Variants in AGO3 observed in about 807,000 individuals in gnomAD.
AGO3 encodes argonaute RISC catalytic component 3, also known as protein argonaute-3.
In AGO3, 16 loss-of-function variants were observed where a neutral mutation model predicts 105.5. The ratio of observed to expected loss-of-function variants is 0.15; its 90% CI spans 0.10 to 0.23. AGO3 has a LOEUF of 0.23. Ranked by LOEUF, AGO3 falls within the 10% of genes least tolerant of loss-of-function variation. The probability of loss-of-function intolerance (pLI) is 1.00; values close to 1 mark genes in which losing one functional copy is unlikely to be tolerated. For missense variants in AGO3, 534 were observed against 1,088.0 expected, an observed-to-expected ratio of 0.49 and a Z score of 7.16; for synonymous variants, 340 against 367.3, an observed-to-expected ratio of 0.93 and a Z score of 0.85.
At chr1:35,954,041 A>G (rs1417748062) in intron 2 of AGO3, among the ~76,000 whole-genome samples, 1 of 152,188 alleles carries the variant, frequency 6.6e-6, no homozygotes, top group African/African-American at 2.4e-5. Context: ...TGTCATATCT[A>G]TAGAAGGGTT....
intron 2 of AGO3, among the ~76,000 whole-genome samples, chr1:35,951,117 G>A (rs1646463183): frequency 6.6e-6 from 1 of 152,004 alleles, no homozygotes; most frequent in African/African-American, 2.4e-5. Flanking sequence ...TGCCCAGCTA[G>A]CGTTTGTATT....
At chr1:35,975,346 T>C (rs1000334083) in intron 5 of AGO3, among the ~76,000 whole-genome samples, 1 of 152,228 alleles carries the variant, frequency 6.6e-6, no homozygotes, top group South Asian at 2.1e-4. Context: ...TTCACAAATA[T>C]AAGGGCCACT....
intron 11 of AGO3, 126 bp from the exon 12 acceptor site, chr1:36,026,988 C>A: frequency 9.4e-7 from 1 of 1,062,128 alleles, no homozygotes; most frequent in Non-Finnish European, 1.4e-6. Flanking sequence ...AGTCTGGTGA[C>A]CTCTCATATA....
At chr1:36,005,678 C>T (rs770553178) in intron 6 of AGO3, 147 of 972,804 alleles carry the variant, frequency 1.5e-4, no homozygotes, top group Non-Finnish European at 1.8e-4. Flanking sequence ...CATTATTTTG[C>T]GGTAACTATG....
intron 2 of AGO3, among the ~76,000 whole-genome samples, chr1:35,962,542 C>CAAA (rs1004307116): frequency 1.1e-5 from 1 of 92,022 alleles, no homozygotes; most frequent in Non-Finnish European, 2.3e-5. Context: ...GACTCCCTCT[C>CAAA]AAAAAAAAAA....
At chr1:35,987,657 G>A (rs1647249795) in intron 5 of AGO3, among the ~76,000 whole-genome samples, 1 of 151,916 alleles carries the variant, frequency 6.6e-6, no homozygotes, top group Admixed American at 6.6e-5. Context: ...GGAATAAGGT[G>A]CCTGGGTTGG....
intron 3 of AGO3, 74 bp from the exon 4 acceptor site, chr1:35,971,943 AGATATTT>A: frequency 7.6e-7 from 1 of 1,315,126 alleles, no homozygotes; most frequent in Non-Finnish European, 1.1e-6. Flanking sequence ...GTTTTCTCTT[AGATATTT>A]TTATAAGTTA....
At position 36,040,453 on chromosome 1, in the gene AGO3, TC is replaced by T. The variant is rs1222091468; in HGVS notation, c.2172+13del. 1 of 1,613,770 alleles carries T rather than the reference TC, an allele frequency of 6.2e-7. No individual in the cohort carries two copies. The highest frequency in any genetic ancestry group is 8.5e-7 in the Non-Finnish European group (1 of 1,179,892). On this transcript the variant is annotated intron_variant, in intron 16 of 18. Transcript: ENST00000373191. The stretch of plus-strand genomic sequence containing the variant: ...ATAGGACAGAAAGGGTAATCTCACC[TC>T]TGTTGTAATACTGTTATAAACCAAG...
At chr1:35,932,158 C>T (rs186784378) in intron 1 of AGO3, among the ~76,000 whole-genome samples, 15 of 152,108 alleles carry the variant, frequency 9.9e-5, no homozygotes, top group Non-Finnish European at 1.5e-5. Context: ...AGCAGTTTTG[C>T]AGTCTTAAGA....
At chr1:35,967,597 A>T (rs568375151) in intron 3 of AGO3, among the ~76,000 whole-genome samples, 4 of 151,878 alleles carry the variant, frequency 2.6e-5, no homozygotes, top group Non-Finnish European at 5.9e-5. Context: ...TTGTGTTTGT[A>T]GTAGAGATGG....
At chr1:36,016,052 G>A (rs1330198835) in intron 11 of AGO3, among the ~76,000 whole-genome samples, 1 of 152,198 alleles carries the variant, frequency 6.6e-6, no homozygotes, top group Non-Finnish European at 1.5e-5. Flanking sequence ...AGAAACAGAT[G>A]GATTGGTTAC....
chr1:35,952,835 T>G (rs190752730), intron 2 of AGO3, among the ~76,000 whole-genome samples: 2 of 152,330 alleles, frequency 1.3e-5, no homozygotes, highest in Admixed American at 1.3e-4. Context: ...CACAACAAAA[T>G]GATAATGCAT....
At chr1:35,976,621 C>G (rs1169160974) in intron 5 of AGO3, among the ~76,000 whole-genome samples, 5 of 152,022 alleles carry the variant, frequency 3.3e-5, no homozygotes, top group Admixed American at 2.0e-4. Context: ...ATATCTGTTT[C>G]TTATTAAGTA....
intron 5 of AGO3, among the ~76,000 whole-genome samples, chr1:35,994,423 G>T (rs1165355062): frequency 6.6e-6 from 1 of 152,036 alleles, no homozygotes; most frequent in Non-Finnish European, 1.5e-5. Context: ...AAGCATACAG[G>T]CATCATCATA....
intron 5 of AGO3, among the ~76,000 whole-genome samples, chr1:35,977,326 A>T (rs1646972203): frequency 1.3e-5 from 2 of 149,736 alleles, no homozygotes; most frequent in South Asian, 2.1e-4. Context: ...TTACTGGAAA[A>T]TTATTTTATT....
chr1:36,011,234 T>TA (rs1221191706), intron 9 of AGO3, among the ~76,000 whole-genome samples: 1 of 152,212 alleles, frequency 6.6e-6, no homozygotes, highest in Non-Finnish European at 1.5e-5. Context: ...AAAGCAATTT[T>TA]AAAGATTATT....
intron 3 of AGO3, among the ~76,000 whole-genome samples, chr1:35,971,044 AT>A (rs201715016): frequency 0.079 from 11,484 of 145,062 alleles, 555 homozygotes; most frequent in Middle Eastern, 0.26. Flanking sequence ...ATATATATAT[AT>A]TTTTTATTAT....
rs538789621 is a variant in AGO3, at chr1:36,062,554, G to T, written c.*6809G>T. On this transcript the variant is annotated 3_prime_UTR_variant, in exon 19 of 19. Transcript: ENST00000373191. ...GTATGATCAGTTAAATAGAAGTAGG[G>T]TCTGCAAATTGTGCTTAAGGGGAAA... is the stretch of plus-strand genomic sequence containing the variant. 1.7e-4 allele frequency: 26 copies of T among 152,186 alleles called. No individual in the cohort carries two copies. Among genetic ancestry groups the T allele is most frequent in the African/African-American group, 6.0e-4 (25 of 41,530 alleles). 9.4% of individuals were successfully genotyped at this position (152,186 alleles called of 1,614,324 possible). A position where few individuals can be genotyped will look rare whatever the true frequency, so the allele number is the denominator to read the frequency against.
At chr1:36,026,989 C>T in intron 11 of AGO3, 125 bp from the exon 12 acceptor site, 4 of 1,101,438 alleles carry the variant, frequency 3.6e-6, no homozygotes, top group Non-Finnish European at 5.2e-6. Context: ...GTCTGGTGAC[C>T]TCTCATATAT....
Sources: allele counts gnomAD v4.1 joint callset (sites outside exome capture counted in the v4.1 genomes callset), GRCh38; gene constraint gnomAD v4.1.1; transcripts MANE v1.5; gene names NCBI Gene and HGNC (gene_info 2026-07-23, HGNC 2026-07-21).